B3GLCT: variants seen among roughly 807,000 people sequenced by gnomAD.
The protein encoded by B3GLCT is beta 3-glucosyltransferase.
In B3GLCT, 65 loss-of-function variants were observed where a neutral mutation model predicts 63.4. That is an observed-to-expected ratio of 1.03 (90% CI 0.84 to 1.26). B3GLCT has a LOEUF of 1.26. Among genes scored for constraint, B3GLCT ranks in the 50% most tolerant of loss-of-function variants. B3GLCT has a pLI of 0.00. For synonymous variants in B3GLCT, 233 were observed against 219.2 expected, an observed-to-expected ratio of 1.06 and a Z score of -0.55; for missense variants, 577 against 604.8, an observed-to-expected ratio of 0.95 and a Z score of 0.48.
intron 6 of B3GLCT, among the ~76,000 whole-genome samples, chr13:31,250,235 G>A (rs1439615759): frequency 6.6e-6 from 1 of 152,172 alleles, no homozygotes; most frequent in East Asian, 1.9e-4. Flanking sequence ...GTGCAGTGGT[G>A]CAGTCTTGGC....
chr13:31,282,498 C>T (rs965680723), intron 10 of B3GLCT, among the ~76,000 whole-genome samples: 15 of 151,990 alleles, frequency 9.9e-5, no homozygotes, highest in Admixed American at 2.6e-4. Context: ...AAAAATTAGC[C>T]GGGCGTGGTG....
At position 31,308,228 on chromosome 13, in the gene B3GLCT, T is replaced by G. The variant is rs1434790482; in HGVS notation, c.1065-9338T>G. 5.0e-5 allele frequency among the ~76,000 whole-genome samples: 3 copies of G among 60,346 alleles called. No homozygotes were observed. The East Asian group carries it at 1.6e-3, about 33-fold the overall frequency. The allele number at this position is 60,346 out of a possible 152,430, so 39.6% of individuals were successfully genotyped here. On this transcript the variant is annotated intron_variant, in intron 12 of 14. Coordinates refer to ENST00000343307, the MANE Select transcript of B3GLCT (RefSeq NM_194318.4). ...GGATAGCATTGGGAGATATACCTAATGCTAGATGACACATTAGTGGGTGCA... is the reference window on the plus strand; with the variant it reads ...GGATAGCATTGGGAGATATACCTAAGGCTAGATGACACATTAGTGGGTGCA...
At position 31,329,743 on chromosome 13, in the gene B3GLCT, T is replaced by G; in HGVS notation, c.*75T>G. 1.3e-6 allele frequency: 2 copies of G among 1,504,382 alleles called. No homozygotes were observed. The highest frequency in any genetic ancestry group is 1.8e-6 in the Non-Finnish European group (2 of 1,086,572). The allele number at this position is 1,504,382 out of a possible 1,614,324, so 93.2% of individuals were successfully genotyped here. ...GTGGCCTCATCCCACTGTGCTGTGC[T>G]CACAACACTTGTGTCTGCCACATGG... On this transcript the variant is annotated 3_prime_UTR_variant, in exon 15 of 15. Coordinates refer to ENST00000343307, the MANE Select transcript of B3GLCT (RefSeq NM_194318.4).
intron 12 of B3GLCT, among the ~76,000 whole-genome samples, chr13:31,297,707 C>T (rs1279967354): frequency 6.6e-6 from 1 of 152,150 alleles, no homozygotes; most frequent in Non-Finnish European, 1.5e-5. Flanking sequence ...ATACACCAGA[C>T]ACCAGTCATT....
intron 4 of B3GLCT, among the ~76,000 whole-genome samples, chr13:31,243,546 T>C (rs1224031841): frequency 6.6e-6 from 1 of 152,204 alleles, no homozygotes; most frequent in African/African-American, 2.4e-5. Context: ...TTCCCCTCCA[T>C]GTCAAGAATA....
chr13:31,243,254 A>G (rs1305134491), intron 4 of B3GLCT, among the ~76,000 whole-genome samples: 1 of 152,222 alleles, frequency 6.6e-6, no homozygotes, highest in Non-Finnish European at 1.5e-5. Flanking sequence ...ATAAAACTGA[A>G]TGAGACCATA....
chr13:31,256,592 A>T (rs148568868), intron 6 of B3GLCT, among the ~76,000 whole-genome samples: 357 of 152,354 alleles, frequency 2.3e-3, no homozygotes, highest in Non-Finnish European at 4.3e-3. Context: ...CTATGCAGCC[A>T]TAAAAAAGGA....
chr13:31,212,325 A>AGTGATCAT (rs1372178473), intron 1 of B3GLCT, among the ~76,000 whole-genome samples: 16 of 128,882 alleles, frequency 1.2e-4, no homozygotes, highest in African/African-American at 4.9e-4. Flanking sequence ...CCCAGGCTGG[A>AGTGATCAT]GTGCAGTGGC....
At chr13:31,216,064 T>C (rs946877982) in intron 2 of B3GLCT, among the ~76,000 whole-genome samples, 6 of 152,232 alleles carry the variant, frequency 3.9e-5, no homozygotes, top group African/African-American at 1.4e-4. Context: ...GTTTAAAATA[T>C]CAGTTGTTTT....
rs1485476941 is a variant in B3GLCT, at chr13:31,329,486, C to G, written c.1330-15C>G. On this transcript the variant is annotated splice_polypyrimidine_tract_variant and intron_variant, in intron 14 of 14. Transcript: ENST00000343307. ...TCAATCAACAAGGAAGCCTAACTCT[C>G]TATTTTTCCTGCAGGCTCGGCCGGT... The G allele has an allele frequency of 1.9e-6, 3 of 1,614,004 alleles. No individual in the cohort carries two copies. The highest frequency in any genetic ancestry group is 2.7e-5 in the African/African-American group (2 of 74,930).
Position 31,274,629 on chromosome 13 carries a change from G to T in B3GLCT, c.780+1G>T. ...ATTCCATTCTTTTCTACCGCTTTGT[G>T]TGAGTAACAGAAGAAAAACTTCTTT... On this transcript the variant is annotated splice_donor_variant, in intron 9 of 14. Coordinates refer to ENST00000343307, the MANE Select transcript of B3GLCT (RefSeq NM_194318.4). LOFTEE classifies it high-confidence loss of function. 1 of 1,614,188 alleles carries T rather than the reference G, an allele frequency of 6.2e-7. No homozygotes were observed. Among genetic ancestry groups the T allele is most frequent in the Non-Finnish European group, 8.5e-7 (1 of 1,180,028 alleles).
intron 7 of B3GLCT, 128 bp from the exon 8 acceptor site, chr13:31,269,086 A>C: frequency 1.4e-6 from 1 of 694,730 alleles, no homozygotes; most frequent in South Asian, 1.7e-5. Flanking sequence ...CAAGGAATTT[A>C]AACTGTTATT....
At chr13:31,279,370 A>C (rs906176431) in intron 10 of B3GLCT, among the ~76,000 whole-genome samples, 1 of 151,838 alleles carries the variant, frequency 6.6e-6, no homozygotes, top group Non-Finnish European at 1.5e-5. Context: ...GTCCTTTTCT[A>C]TTTTCCCTAA....
At chr13:31,208,443 G>C (rs867869238) in intron 1 of B3GLCT, among the ~76,000 whole-genome samples, 3 of 152,092 alleles carry the variant, frequency 2.0e-5, no homozygotes, top group Non-Finnish European at 2.9e-5. Context: ...GCTCACCCCT[G>C]CACCCGGCTC....
intron 6 of B3GLCT, among the ~76,000 whole-genome samples, chr13:31,251,800 T>C (rs1158697992): frequency 6.6e-6 from 1 of 152,202 alleles, no homozygotes; most frequent in Non-Finnish European, 1.5e-5. Flanking sequence ...CTCTTCAGGA[T>C]ATTATCCGGG....
chr13:31,329,407 A>C, intron 14 of B3GLCT, 94 bp from the exon 15 acceptor site: 1 of 1,371,654 alleles, frequency 7.3e-7, no homozygotes, highest in Non-Finnish European at 1.0e-6. Flanking sequence ...TTAGGTAGTG[A>C]AGTAAAGCAG....
chr13:31,225,973 C>T (rs1335894400), intron 3 of B3GLCT, among the ~76,000 whole-genome samples: 1 of 152,226 alleles, frequency 6.6e-6, no homozygotes, highest in African/African-American at 2.4e-5. Context: ...CGCCGTGCTC[C>T]TTTTCTCAGA....
chr13:31,240,940 T>G (rs967784485), intron 4 of B3GLCT, among the ~76,000 whole-genome samples: 3 of 152,240 alleles, frequency 2.0e-5, no homozygotes, highest in African/African-American at 7.2e-5. Context: ...AGAATTTTTT[T>G]TTTATACACA....
intron 1 of B3GLCT, among the ~76,000 whole-genome samples, chr13:31,213,548 T>G (rs1427981139): frequency 6.6e-6 from 1 of 151,014 alleles, no homozygotes. Flanking sequence ...GATTGTGCCA[T>G]TGCAGTCTAG....
Sources: gnomAD v4.1 joint callset for allele counts (sites outside exome capture counted in the v4.1 genomes callset) on GRCh38, gnomAD v4.1.1 for gene constraint, MANE v1.5 for transcripts, NCBI Gene and HGNC (gene_info 2026-07-23, HGNC 2026-07-21) for gene names.